The following UNC13A variants were observed in gnomAD, a reference collection of about 807,000 sequenced individuals.
The protein encoded by UNC13A is protein unc-13 homolog A.
UNC13A carries 61 observed loss-of-function variants against 219.7 expected under a neutral mutation model. The observed-to-expected ratio is 0.28, with a 90% CI of 0.23 to 0.34. The LOEUF (loss-of-function observed/expected upper bound fraction) is 0.34. Ranked by LOEUF, UNC13A falls within the 10% of genes least tolerant of loss-of-function variation. The pLI, the probability that UNC13A is intolerant of heterozygous loss-of-function variation, is 1.00. For synonymous variants in UNC13A, 920 were observed against 884.6 expected (o/e 1.04, Z -0.71); for missense variants, 1,476 against 2,270.3 (o/e 0.65, Z 7.11).
chr19:17,621,794 T>C (rs1438694945), intron 37 of UNC13A, 38 bp downstream of exon 37: 1 of 1,609,926 alleles, frequency 6.2e-7, no homozygotes, highest in East Asian at 2.2e-5. Flanking sequence ...GCCCAGACAC[T>C]GGAGCTCAGG....
intron 35 of UNC13A, 22 bp downstream of exon 35, chr19:17,624,807 T>C (rs1385440172): frequency 1.9e-6 from 3 of 1,604,956 alleles, no homozygotes; most frequent in South Asian, 1.1e-5. Flanking sequence ...AAATGTCCCC[T>C]CGGGCCCCCT....
rs2076486848 is a variant in UNC13A, at chr19:17,603,354, AC to A, written c.*2699del. 1 of 152,008 alleles carries A rather than the reference AC, an allele frequency of 6.6e-6. No individual in the cohort carries two copies. The highest frequency in any genetic ancestry group is 1.5e-5 in the Non-Finnish European group (1 of 68,030). The allele number at this position is 152,008 out of a possible 1,614,324, so 9.4% of individuals were successfully genotyped here. On this transcript the variant is annotated 3_prime_UTR_variant, in exon 44 of 44. Coordinates refer to ENST00000519716, the MANE Select transcript of UNC13A (RefSeq NM_001080421.3). Reference sequence around the variant, plus strand: ...TCCAAAAATCTTCCAGATCACCCTCACCCCAGGTCACAGATCACTTCCCCTT... The same window carrying A: ...TCCAAAAATCTTCCAGATCACCCTCACCCAGGTCACAGATCACTTCCCCTT...
chr19:17,620,182 G>A (rs548567291), intron 38 of UNC13A, among the ~76,000 whole-genome samples: 1 of 152,110 alleles, frequency 6.6e-6, no homozygotes, highest in Non-Finnish European at 1.5e-5. Flanking sequence ...GGGACAGGGT[G>A]GGGCTGAGTA....
At position 17,648,420 on chromosome 19, in the gene UNC13A, C is replaced by T. The variant is rs1417699168; in HGVS notation, c.1816+11G>A. 2 of 1,573,864 alleles carry T rather than the reference C, an allele frequency of 1.3e-6. No individual in the cohort carries two copies. The highest frequency in any genetic ancestry group is 1.8e-5 in the Admixed American group (1 of 54,828). On this transcript the variant is annotated intron_variant, in intron 16 of 43. Transcript: ENST00000519716. ...CCAACCCGTGGCCCTGCGCTCAGGC[C>T]CTGCGCTCACGCTGCAGGCAGTCGG...
At chr19:17,675,489 G>A (rs907076533) in intron 2 of UNC13A, among the ~76,000 whole-genome samples, 1 of 151,430 alleles carries the variant, frequency 6.6e-6, no homozygotes, top group African/African-American at 2.4e-5. Flanking sequence ...AAAATTAGCC[G>A]GGCGTGGTAG....
chr19:17,683,188 T>C, intron 1 of UNC13A, among the ~76,000 whole-genome samples: 1 of 152,168 alleles, frequency 6.6e-6, no homozygotes, highest in Non-Finnish European at 1.5e-5. Flanking sequence ...CCAACCCCAG[T>C]AGGCTCTAGA....
chr19:17,605,832 C>T lies in UNC13A; in HGVS notation c.*222G>A, dbSNP rs951939949. 6.4e-6 allele frequency: 3 copies of T among 471,814 alleles called. No individual in the cohort carries two copies. Among genetic ancestry groups the T allele is most frequent in the Non-Finnish European group, 7.2e-6 (2 of 278,066 alleles). The allele number at this position is 471,814 out of a possible 1,614,324, so 29.2% of individuals were successfully genotyped here. On this transcript the variant is annotated 3_prime_UTR_variant, in exon 44 of 44. Coordinates refer to ENST00000519716, the MANE Select transcript of UNC13A (RefSeq NM_001080421.3). ...CCTCAAGTTGGGGATGTGGCTCCTT[C>T]CTTCGTCGCGCCCTTGGGCGTGGCC...
intron 6 of UNC13A, among the ~76,000 whole-genome samples, 199 bp from the exon 7 acceptor site, chr19:17,666,903 AGAGAGAGAAAGACAG>A (rs2079660811): frequency 1.8e-4 from 13 of 72,080 alleles, no homozygotes; most frequent in Admixed American, 6.6e-4. Flanking sequence ...AGAGAGAGAG[AGAGAGAGAAAGACAG>A]AGACAGAGAC....
At chr19:17,631,210 T>TCCCTCCCTC (rs1169621759) in intron 28 of UNC13A, among the ~76,000 whole-genome samples, 1 of 28,724 alleles carries the variant, frequency 3.5e-5, no homozygotes, top group Admixed American at 2.9e-4. Context: ...CTCCCTTCCT[T>TCCCTCCCTC]CCTTCCTTCC....
chr19:17,639,364 T>C, intron 24 of UNC13A, 72 bp downstream of exon 24: 1 of 1,570,020 alleles, frequency 6.4e-7, no homozygotes, highest in Non-Finnish European at 8.7e-7. Flanking sequence ...AGGAGGAATG[T>C]CACTTGTCCT....
Position 17,601,455 on chromosome 19 carries a change from G to A in UNC13A, c.*4599C>T, listed in dbSNP as rs918737087. 20 of 152,574 alleles carry A rather than the reference G, an allele frequency of 1.3e-4. No homozygotes were observed. Among genetic ancestry groups the A allele is most frequent in the African/African-American group, 4.8e-4 (20 of 41,426 alleles). 9.5% of individuals were successfully genotyped at this position (152,574 alleles called of 1,614,324 possible). A position where few individuals can be genotyped will look rare whatever the true frequency, so the allele number is the denominator to read the frequency against. On this transcript the variant is annotated 3_prime_UTR_variant, in exon 44 of 44. Coordinates refer to ENST00000519716, the MANE Select transcript of UNC13A (RefSeq NM_001080421.3). ...GCATTCATGACCACTTCTCGTTTGT[G>A]TTAAACATTTGTTCCAAGTCACATA...
At chr19:17,663,098 G>C (rs1173238275) in intron 8 of UNC13A, among the ~76,000 whole-genome samples, 1 of 151,952 alleles carries the variant, frequency 6.6e-6, no homozygotes, top group East Asian at 1.9e-4. Context: ...CGTTCTGTTA[G>C]AGACCCCGCC....
chr19:17,611,971 T>C (rs949728801), intron 41 of UNC13A, 116 bp from the exon 42 acceptor site: 1 of 823,332 alleles, frequency 1.2e-6, no homozygotes, highest in African/African-American at 1.7e-5. Flanking sequence ...TCAGCCCTGA[T>C]AGGGAGGCAC....
intron 2 of UNC13A, 82 bp downstream of exon 2, chr19:17,675,930 G>T: frequency 6.6e-7 from 1 of 1,506,736 alleles, no homozygotes; most frequent in South Asian, 1.2e-5. Flanking sequence ...CTAAGTCTGG[G>T]CTGGGACCCC....
In UNC13A at chr19:17,605,816, G is replaced by T; in HGVS notation, c.*238C>A. ...GGTGCTGGGGGCGTGGCCTCAAGTT[G>T]GGGATGTGGCTCCTTCCTTCGTCGC... On this transcript the variant is annotated 3_prime_UTR_variant, in exon 44 of 44. Transcript: ENST00000519716. 2.2e-6 allele frequency: 1 copy of T among 448,626 alleles called. No homozygotes were observed. The allele number at this position is 448,626 out of a possible 1,614,324, so 27.8% of individuals were successfully genotyped here.
rs763447275 is a variant in UNC13A at position 17,606,162 on chromosome 19, C to A, written c.5004G>T (p.Val1668=). The A allele has an allele frequency of 9.5e-6, 15 of 1,579,424 alleles. No homozygotes were observed. The highest frequency in any genetic ancestry group is 1.7e-4 in the Middle Eastern group (1 of 5,980). ...RIHMDDTGLT[V]LRILSQRSND... is the part of the protein sequence containing the mutation. ...TGCTGCGCTGCGAGAGGATTCGCAG[C>A]ACCGTGAGGCCCGTGTCGTCCATGT... Residue 1668 remains valine (V), a synonymous_variant, in exon 44 of 44, where the codon GTG becomes GTT. Transcript: ENST00000519716.
intron 19 of UNC13A, 126 bp from the exon 20 acceptor site, chr19:17,643,086 A>C (rs187910978): frequency 2.8e-5 from 18 of 643,486 alleles, no homozygotes; most frequent in Admixed American, 1.6e-4. Flanking sequence ...ATCTCAGCTC[A>C]CTGCAACCTC....
chr19:17,603,875 G>C lies in UNC13A; in HGVS notation c.*2179C>G, dbSNP rs2076493473. 1 of 151,446 alleles carries C rather than the reference G, an allele frequency of 6.6e-6. No individual in the cohort carries two copies. The highest frequency in any genetic ancestry group is 2.4e-5 in the African/African-American group (1 of 41,124). The allele number at this position is 151,446 out of a possible 1,614,324, so 9.4% of individuals were successfully genotyped here. A position where few individuals can be genotyped will look rare whatever the true frequency, so the allele number is the denominator to read the frequency against. ...TGCCCAGGCTGGAGTGCAGTTGTGT[G>C]ATCACGACTCACTACAACCTCTGCC... is the stretch of plus-strand genomic sequence containing the variant. On this transcript the variant is annotated 3_prime_UTR_variant, in exon 44 of 44. Transcript: ENST00000519716.
In UNC13A at chr19:17,617,856, A is replaced by C. The variant is rs1395458171; in HGVS notation, c.4411-7T>G. ...CACCCGCGTGGAAATATTGCTGGGG[A>C]GGACAGGGTGGGGAGAGGTGAGGAT... On this transcript the variant is annotated splice_polypyrimidine_tract_variant and splice_region_variant and intron_variant, in intron 40 of 43. Coordinates refer to ENST00000519716, the MANE Select transcript of UNC13A (RefSeq NM_001080421.3). 1.2e-6 allele frequency: 2 copies of C among 1,613,670 alleles called. No individual in the cohort carries two copies. Among genetic ancestry groups the C allele is most frequent in the Non-Finnish European group, 1.7e-6 (2 of 1,179,794 alleles).
Sources: gnomAD v4.1 joint callset for allele counts (sites outside exome capture counted in the v4.1 genomes callset) on GRCh38, gnomAD v4.1.1 for gene constraint, MANE v1.5 for transcripts, NCBI Gene and HGNC (gene_info 2026-07-23, HGNC 2026-07-21) for gene names.